The following IGFBP7 variants were observed in gnomAD, a reference collection of about 807,000 sequenced individuals.
IGFBP7 encodes the protein insulin like growth factor binding protein 7, also known as insulin-like growth factor-binding protein 7.
Under a neutral mutation model 29.4 loss-of-function variants are expected in IGFBP7, and 31 were observed. That is an observed-to-expected ratio of 1.05 (90% CI 0.79 to 1.42). IGFBP7 has a LOEUF of 1.42. Among genes scored for constraint, IGFBP7 ranks in the 40% most tolerant of loss-of-function variants. The pLI, the probability that IGFBP7 is intolerant of heterozygous loss-of-function variation, is 0.00. For missense variants in IGFBP7, 393 were observed against 395.5 expected (o/e 0.99, Z 0.05); for synonymous variants, 172 against 174.9 (o/e 0.98, Z 0.13).
At chr4:57,067,990 AATTTGGGAATCACTG>A (rs772982323) in intron 1 of IGFBP7, among the ~76,000 whole-genome samples, 14 of 152,318 alleles carry the variant, frequency 9.2e-5, no homozygotes, top group Non-Finnish European at 1.8e-4. Context: ...GGTTACAAGA[AATTTGGGAATCACTG>A]ATCTGGAAAT....
intron 1 of IGFBP7, among the ~76,000 whole-genome samples, chr4:57,052,004 T>C (rs1713975): frequency 0.9 from 137,176 of 152,114 alleles, 61,955 homozygotes; most frequent in South Asian, 0.95. Context: ...GTGTGTGGTG[T>C]AGGGCACAGC....
At position 57,040,909 on chromosome 4, in the gene IGFBP7, T is replaced by C. The variant is rs938003754; in HGVS notation, c.500A>G (p.Lys167Arg). ...GGCACCAGTGACATTCCAGATGTCC[T>C]TGGGGGGCGTCACTATGGAAGGACC... is the stretch of plus-strand genomic sequence containing the variant. The part of the protein sequence containing the change: ...EQGPSIVTPP[K>R]DIWNVTGAQV... Residue 167 changes from lysine to arginine, a missense_variant, in exon 2 of 5, where the codon AAG becomes AGG. Coordinates refer to ENST00000295666, the MANE Select transcript of IGFBP7 (RefSeq NM_001553.3). 1 of 1,613,912 alleles carries C rather than the reference T, an allele frequency of 6.2e-7. No homozygotes were observed. Among genetic ancestry groups the C allele is most frequent in the Non-Finnish European group, 8.5e-7 (1 of 1,179,872 alleles).
intron 1 of IGFBP7, among the ~76,000 whole-genome samples, chr4:57,074,523 C>G (rs1578634993): frequency 1.3e-5 from 2 of 152,304 alleles, no homozygotes; most frequent in South Asian, 4.1e-4. Context: ...CCATTTCTCT[C>G]CTCACATGAG....
chr4:57,063,057 C>T (rs190915526), intron 1 of IGFBP7, among the ~76,000 whole-genome samples: 3 of 152,272 alleles, frequency 2.0e-5, no homozygotes, highest in East Asian at 1.9e-4. Flanking sequence ...CTTGCTGTGG[C>T]TCCTCAAGCA....
At chr4:57,103,771 G>A (rs543422881) in intron 1 of IGFBP7, among the ~76,000 whole-genome samples, 24 of 140,266 alleles carry the variant, frequency 1.7e-4, no homozygotes, top group African/African-American at 5.5e-4. Flanking sequence ...TAATCCTCCC[G>A]CCTCAGCCTA....
intron 1 of IGFBP7, among the ~76,000 whole-genome samples, chr4:57,082,224 G>T (rs1725387573): frequency 6.6e-6 from 1 of 152,152 alleles, no homozygotes; most frequent in Non-Finnish European, 1.5e-5. Context: ...TGGAGGAACA[G>T]GTGTGAGTTT....
intron 1 of IGFBP7, among the ~76,000 whole-genome samples, chr4:57,099,393 A>G (rs1193367864): frequency 6.6e-6 from 1 of 152,258 alleles, no homozygotes; most frequent in African/African-American, 2.4e-5. Flanking sequence ...ATTTAAAAAA[A>G]TGCAAATTCC....
intron 1 of IGFBP7, among the ~76,000 whole-genome samples, chr4:57,062,966 T>A (rs563927636): frequency 2.6e-5 from 4 of 152,300 alleles, no homozygotes; most frequent in South Asian, 2.1e-4. Context: ...CCAGAATAGA[T>A]AAGATCTGGC....
chr4:57,064,141 G>A (rs978589284), intron 1 of IGFBP7, among the ~76,000 whole-genome samples: 1 of 152,090 alleles, frequency 6.6e-6, no homozygotes, highest in Non-Finnish European at 1.5e-5. Context: ...GAGTTTCACA[G>A]CAGCCTGGGC....
rs1293056527 is a variant in IGFBP7 at position 57,031,069 on chromosome 4, T to C, written c.*248A>G. ...TGTGGCTTTTTAAAAATGACAAATA[T>C]GTACTGTGTTGTGATAAAAAGTATT... On this transcript the variant is annotated 3_prime_UTR_variant, in exon 5 of 5. Coordinates refer to ENST00000295666, the MANE Select transcript of IGFBP7 (RefSeq NM_001553.3). 4 of 859,960 alleles carry C rather than the reference T, an allele frequency of 4.7e-6. No individual in the cohort carries two copies. Among genetic ancestry groups the C allele is most frequent in the Non-Finnish European group, 7.9e-6 (4 of 507,422 alleles). The allele number at this position is 859,960 out of a possible 1,614,324, so 53.3% of individuals were successfully genotyped here.
At chr4:57,101,825 T>C (rs962514600) in intron 1 of IGFBP7, among the ~76,000 whole-genome samples, 4 of 152,070 alleles carry the variant, frequency 2.6e-5, no homozygotes, top group African/African-American at 9.7e-5. Flanking sequence ...TGAACATTTC[T>C]AGTCCTCCAC....
chr4:57,080,490 T>C (rs73242638), intron 1 of IGFBP7, among the ~76,000 whole-genome samples: 1 of 152,298 alleles, frequency 6.6e-6, no homozygotes, highest in Non-Finnish European at 1.5e-5. Flanking sequence ...CTTCCAATAC[T>C]GAGTCCCCAT....
chr4:57,079,703 T>C (rs1725316140), intron 1 of IGFBP7, among the ~76,000 whole-genome samples: 1 of 152,250 alleles, frequency 6.6e-6, no homozygotes, highest in African/African-American at 2.4e-5. Flanking sequence ...AGTCAAATTC[T>C]ATATGAAATC....
At position 57,109,890 on chromosome 4, in the gene IGFBP7, G is replaced by T; in HGVS notation, c.462C>A (p.Gly154=). The change falls in exon 1 of 5, where the codon GGC becomes GGA. Residue 154 remains glycine, a synonymous_variant. Transcript: ENST00000295666. ...GCTCGTGCCCACCTTGCTCGCAGGT[G>T]CCCTTGCTGACCTGGGTGATGGCCT... is the stretch of plus-strand genomic sequence containing the variant. ...GEKAITQVSK[G]TCEQGPSIVT... is the part of the protein sequence containing the mutation. The T allele has an allele frequency of 6.5e-7, 1 of 1,549,304 alleles. No homozygotes were observed. Among genetic ancestry groups the T allele is most frequent in the Admixed American group, 1.9e-5 (1 of 52,088 alleles).
chr4:57,103,489 T>G (rs1461178058), intron 1 of IGFBP7, among the ~76,000 whole-genome samples: 1 of 152,152 alleles, frequency 6.6e-6, no homozygotes, highest in East Asian at 1.9e-4. Context: ...AACTGATAAC[T>G]GAAAATTGTA....
At chr4:57,043,221 G>A (rs1724273656) in intron 1 of IGFBP7, among the ~76,000 whole-genome samples, 1 of 152,222 alleles carries the variant, frequency 6.6e-6, no homozygotes, top group South Asian at 2.1e-4. Flanking sequence ...GGAGCTGGCA[G>A]TCTGGGATCC....
intron 1 of IGFBP7, 105 bp from the exon 2 acceptor site, chr4:57,041,038 G>T: frequency 1.3e-6 from 1 of 763,798 alleles, no homozygotes; most frequent in Non-Finnish European, 2.3e-6. Flanking sequence ...CCATCCCCTT[G>T]ATGGATTATC....
chr4:57,079,417 A>G (rs1375685777), intron 1 of IGFBP7, among the ~76,000 whole-genome samples: 4 of 152,112 alleles, frequency 2.6e-5, no homozygotes, highest in African/African-American at 4.8e-5. Flanking sequence ...AAAAAAAAAG[A>G]GCAGAGCCTT....
intron 2 of IGFBP7, among the ~76,000 whole-genome samples, chr4:57,034,589 A>G (rs912971369): frequency 6.6e-6 from 1 of 152,028 alleles, no homozygotes; most frequent in African/African-American, 2.4e-5. Context: ...AAATATATAC[A>G]CTTTATTAAC....
Sources: allele counts gnomAD v4.1 joint callset (sites outside exome capture counted in the v4.1 genomes callset), GRCh38; gene constraint gnomAD v4.1.1; transcripts MANE v1.5; gene names NCBI Gene and HGNC (gene_info 2026-07-23, HGNC 2026-07-21).